The following TYRO3 variants were observed in gnomAD, a reference collection of about 807,000 sequenced individuals.
TYRO3 encodes TYRO3 protein tyrosine kinase.
A neutral mutation model predicts 95.2 loss-of-function variants in TYRO3; 38 were observed. That is an observed-to-expected ratio of 0.40 (90% CI 0.31 to 0.52). The LOEUF is 0.52. Ranked by LOEUF, TYRO3 falls within the 20% of genes least tolerant of loss-of-function variation. TYRO3 has a pLI of 0.56. For synonymous variants in TYRO3, 367 were observed against 432.9 expected, an observed-to-expected ratio of 0.85 and a Z score of 1.89; for missense variants, 812 against 1,116.4, an observed-to-expected ratio of 0.73 and a Z score of 3.89.
chr15:41,580,778 G>A lies in TYRO3; in HGVS notation c.*2502G>A, dbSNP rs999270163. The A allele has an allele frequency of 6.6e-6, 1 of 152,136 alleles. No individual in the cohort carries two copies. The highest frequency in any genetic ancestry group is 2.4e-5 in the African/African-American group (1 of 41,436). 9.4% of individuals were successfully genotyped at this position (152,136 alleles called of 1,614,324 possible). On this transcript the variant is annotated 3_prime_UTR_variant, in exon 19 of 19. Transcript: ENST00000263798. Reference sequence around the variant, plus strand: ...CCCGAGTAGTTGGGACTACAGGCACGAGCCACTGTGTCCGGCTATTTTTTG... The same window carrying A: ...CCCGAGTAGTTGGGACTACAGGCACAAGCCACTGTGTCCGGCTATTTTTTG...
chr15:41,572,975 C>G (rs762176041), intron 15 of TYRO3, 27 bp from the exon 16 acceptor site: 2 of 942,940 alleles, frequency 2.1e-6, no homozygotes, highest in Non-Finnish European at 3.2e-6. Context: ...GCAGGTTAAG[C>G]CTGAGCTTGG....
intron 18 of TYRO3, among the ~76,000 whole-genome samples, chr15:41,574,941 G>A (rs1031220492): frequency 5.3e-5 from 8 of 152,276 alleles, no homozygotes; most frequent in South Asian, 2.1e-4. Context: ...CTGGTCTTGC[G>A]CTCCTGGGCT....
chr15:41,569,875 G>A (rs1400107879), intron 9 of TYRO3, 152 bp from the exon 10 acceptor site: 2 of 956,826 alleles, frequency 2.1e-6, no homozygotes, highest in African/African-American at 3.3e-5. Context: ...AGGTAGGAAG[G>A]ACTCTTAGGC....
At position 41,573,365 on chromosome 15, in the gene TYRO3, C is replaced by T. The variant is rs761709388; in HGVS notation, c.2043C>T (p.Tyr681=). Residue 681 remains tyrosine (Y), a synonymous_variant, in exon 17 of 19, where the codon TAC becomes TAT. Transcript: ENST00000263798. ...VADFGLSRKI[Y]SGDYYRQGCA... is the part of the protein sequence containing the mutation. ...ACTTCGGACTCTCCCGGAAGATCTA[C>T]AGTGGGGACTACTATCGTCAAGGCT... 3 of 1,614,246 alleles carry T rather than the reference C, an allele frequency of 1.9e-6. No homozygotes were observed. Among genetic ancestry groups the T allele is most frequent in the East Asian group, 2.2e-5 (1 of 44,882 alleles).
At chr15:41,570,933 G>T in intron 12 of TYRO3, 105 bp from the exon 13 acceptor site, 1 of 1,294,270 alleles carries the variant, frequency 7.7e-7, no homozygotes, top group East Asian at 2.3e-5. Context: ...TTCTCCACTG[G>T]CCCCAGAGTC....
Position 41,559,261 on chromosome 15 carries a change from G to T in TYRO3, c.4G>T (p.Ala2Ser). 1 of 424,210 alleles carries T rather than the reference G, an allele frequency of 2.4e-6. No individual in the cohort carries two copies. Among genetic ancestry groups the T allele is most frequent in the Non-Finnish European group, 3.7e-6 (1 of 270,004 alleles). 26.3% of individuals were successfully genotyped at this position (424,210 alleles called of 1,614,324 possible). The change falls in exon 1 of 19, where the codon GCG becomes TCG. Residue 2 changes from alanine to serine, a missense_variant. Physicochemically the swap from Ala to Ser is moderately conservative, Grantham distance 99. Transcript: ENST00000263798. M[A>S]LRRSMGRPGL... is the part of the protein sequence containing the mutation. Reference sequence around the variant, plus strand: ...GCATGGTGCGGCGTCGCCGCCGATGGCGCTGAGGCGGAGCATGGGGCGGCC... The same window carrying T: ...GCATGGTGCGGCGTCGCCGCCGATGTCGCTGAGGCGGAGCATGGGGCGGCC...
intron 6 of TYRO3, among the ~76,000 whole-genome samples, chr15:41,566,197 T>C (rs2055721061): frequency 6.6e-6 from 1 of 151,876 alleles, no homozygotes; most frequent in Non-Finnish European, 1.5e-5. Flanking sequence ...CCTGTACTTC[T>C]AACTATTCAG....
Position 41,572,950 on chromosome 15 carries a change from G to T in TYRO3, c.1876-52G>T, listed in dbSNP as rs1010664255. On this transcript the variant is annotated intron_variant, in intron 15 of 18. Transcript: ENST00000263798. Reference sequence around the variant, plus strand: ...CTGGCCAGGGACCCCCATCCATCCTGCCCCAGCTGGGTGGGCAGGTTAAGC... The same window carrying T: ...CTGGCCAGGGACCCCCATCCATCCTTCCCCAGCTGGGTGGGCAGGTTAAGC... The T allele has an allele frequency of 4.8e-6, 6 of 1,251,648 alleles. No homozygotes were observed. In the African/African-American group the frequency reaches 7.6e-5, roughly 16 times the overall value. The allele number at this position is 1,251,648 out of a possible 1,614,324, so 77.5% of individuals were successfully genotyped here.
chr15:41,564,793 C>T lies in TYRO3; in HGVS notation c.668-233C>T, dbSNP rs932208087. On this transcript the variant is annotated intron_variant, in intron 5 of 18. Coordinates refer to ENST00000263798, the MANE Select transcript of TYRO3 (RefSeq NM_006293.4). ...TTATTCCTCAGTTACACAGGGCCTT[C>T]GTGGCAGGGAGAGGCAACCTCTCTC... is the stretch of plus-strand genomic sequence containing the variant. 1.3e-4 allele frequency: 68 copies of T among 528,020 alleles called. 1 individual carries two copies. The highest frequency in any genetic ancestry group is 2.0e-4 in the Non-Finnish European group (58 of 290,258). The allele number at this position is 528,020 out of a possible 1,614,324, so 32.7% of individuals were successfully genotyped here.
chr15:41,560,432 C>CGT (rs1566897377), intron 1 of TYRO3, among the ~76,000 whole-genome samples: 5 of 116,972 alleles, frequency 4.3e-5, no homozygotes, highest in African/African-American at 1.7e-4. Flanking sequence ...TGTGTGTGCG[C>CGT]GCGCGCGCGC....
chr15:41,570,262 G>T lies in TYRO3; in HGVS notation c.1405G>T (p.Ala469Ser). 6.2e-7 allele frequency: 1 copy of T among 1,613,930 alleles called. No homozygotes were observed. The highest frequency in any genetic ancestry group is 2.2e-5 in the East Asian group (1 of 44,894). Residue 469 changes from alanine (A) to serine (S), a missense_variant, in exon 11 of 19, where the codon GCC (alanine) becomes TCC (serine). Transcript: ENST00000263798. The stretch of plus-strand genomic sequence containing the variant: ...TAGGCAAGCCTTTGACAGTGTCATG[G>T]CCCGGGGAGAGCCAGCCGTTCACTT... ...RFGQAFDSVMARGEPAVHFRA... is the reference protein window; with the variant it reads ...RFGQAFDSVMSRGEPAVHFRA...
Position 41,578,254 on chromosome 15 carries a change from TA to T in TYRO3, c.2652del (p.Leu885CysfsTer28). The T allele has an allele frequency of 6.2e-7, 1 of 1,613,462 alleles. No homozygotes were observed. The highest frequency in any genetic ancestry group is 8.5e-7 in the Non-Finnish European group (1 of 1,180,030). ...TQRLLLLQQGLLPHSSC is the reference protein window; with the variant it reads ...TQRLLLLQQGXLPHSSC ...AGGCTTTTGCTGCTGCAGCAAGGGC[TA>T]CTGCCACACAGTAGCTGTTAGCCCA... On this transcript the variant is annotated frameshift_variant, in exon 19 of 19. Coordinates refer to ENST00000263798, the MANE Select transcript of TYRO3 (RefSeq NM_006293.4). LOFTEE classifies it high-confidence loss of function.
rs760454041 is a variant in TYRO3, at chr15:41,567,527, C to T, written c.951C>T (p.Thr317=). The change falls in exon 7 of 19, where the codon ACC becomes ACT. Residue 317 remains threonine (T), a synonymous_variant. Coordinates refer to ENST00000263798, the MANE Select transcript of TYRO3 (RefSeq NM_006293.4). ...ATGCTGACTGGGTGCCCTTTCAGAC[C>T]AAGGGTCTAGGTAAGGGATGCATAG... ...SPYADWVPFQ[T]KGLAPASAPQ... 3 of 1,573,322 alleles carry T rather than the reference C, an allele frequency of 1.9e-6. No homozygotes were observed. The highest frequency in any genetic ancestry group is 2.6e-6 in the Non-Finnish European group (3 of 1,163,970).
intron 14 of TYRO3, 129 bp from the exon 15 acceptor site, chr15:41,572,314 T>C: frequency 7.5e-7 from 1 of 1,338,616 alleles, no homozygotes; most frequent in East Asian, 2.4e-5. Flanking sequence ...GTGTGGAGCC[T>C]GTGAAAAAAT....
At chr15:41,559,762 C>T (rs1285143037) in intron 1 of TYRO3, among the ~76,000 whole-genome samples, 1 of 152,178 alleles carries the variant, frequency 6.6e-6, no homozygotes, top group South Asian at 2.1e-4. Context: ...CCTCGGAAAC[C>T]ACACGGGCCG....
At chr15:41,570,948 G>T in intron 12 of TYRO3, 90 bp from the exon 13 acceptor site, 1 of 1,415,508 alleles carries the variant, frequency 7.1e-7, no homozygotes, top group South Asian at 1.2e-5. Context: ...AGAGTCTGCT[G>T]ACTGTGTTCC....
chr15:41,564,317 C>T, intron 5 of TYRO3, 47 bp downstream of exon 5: 1 of 1,559,064 alleles, frequency 6.4e-7, no homozygotes, highest in Non-Finnish European at 8.8e-7. Context: ...CAGGGGCATT[C>T]CCAGCGAGCT....
Position 41,565,135 on chromosome 15 carries a change from A to G in TYRO3, c.777A>G (p.Thr259=), listed in dbSNP as rs761377689. 6 of 1,606,344 alleles carry G rather than the reference A, an allele frequency of 3.7e-6. No homozygotes were observed. Among genetic ancestry groups the G allele is most frequent in the Non-Finnish European group, 5.1e-6 (6 of 1,174,694 alleles). ...ADGRALLQSC[T]VQVTQAPGGW... The stretch of plus-strand genomic sequence containing the variant: ...GCCGAGCTCTGCTACAGTCCTGTAC[A>G]GTTCAGGTAGGCTCTCCGGGCCGGG... The change falls in exon 6 of 19, where the codon ACA becomes ACG. Residue 259 remains threonine, a synonymous_variant. Coordinates refer to ENST00000263798, the MANE Select transcript of TYRO3 (RefSeq NM_006293.4).
chr15:41,561,254 GAA>G lies in TYRO3; in HGVS notation c.253_254del (p.Asn85LeufsTer26). 1 of 1,614,246 alleles carries G rather than the reference GAA, an allele frequency of 6.2e-7. No individual in the cohort carries two copies. The highest frequency in any genetic ancestry group is 8.5e-7 in the Non-Finnish European group (1 of 1,180,036). ...GGGTGAAGGATGGGGCTGTGGTCCAGAACTTGGACCAGTTGTACATCCCAGTC... is the reference window on the plus strand; with the variant it reads ...GGGTGAAGGATGGGGCTGTGGTCCAGCTTGGACCAGTTGTACATCCCAGTC... The part of the protein sequence containing the change: ...QWVKDGAVVQ[N>X]LDQLYIPVSE... On this transcript the variant is annotated frameshift_variant, in exon 2 of 19. Coordinates refer to ENST00000263798, the MANE Select transcript of TYRO3 (RefSeq NM_006293.4). LOFTEE classifies it high-confidence loss of function.
Sources: gnomAD v4.1 joint callset for allele counts (sites outside exome capture counted in the v4.1 genomes callset) on GRCh38, gnomAD v4.1.1 for gene constraint, MANE v1.5 for transcripts, NCBI Gene and HGNC (gene_info 2026-07-23, HGNC 2026-07-21) for gene names.